DDX60: variants seen among roughly 807,000 people sequenced by gnomAD.
The protein encoded by DDX60 is DExD/H-box helicase 60, also known as probable ATP-dependent RNA helicase DDX60.
Under a neutral mutation model 212.8 loss-of-function variants are expected in DDX60, and 165 were observed. That is an observed-to-expected ratio of 0.78 (90% confidence interval 0.68 to 0.88). DDX60 has a LOEUF of 0.88. Among genes scored for constraint, DDX60 ranks in the 40% least tolerant of loss-of-function variants. The pLI, the probability that DDX60 is intolerant of heterozygous loss-of-function variation, is 0.00. For missense variants in DDX60, 1,905 were observed against 2,003.9 expected (o/e 0.95, Z 0.94); for synonymous variants, 703 against 685.3 (o/e 1.03, Z -0.40).
intron 19 of DDX60, 36 bp from the exon 20 acceptor site, chr4:168,269,005 G>C (rs1175981201): frequency 8.0e-7 from 1 of 1,242,924 alleles, no homozygotes; most frequent in Non-Finnish European, 1.1e-6. Flanking sequence ...CAACTGAAAA[G>C]TTGATTTAAA....
intron 30 of DDX60, among the ~76,000 whole-genome samples, chr4:168,244,387 A>T (rs889816835): frequency 6.6e-6 from 1 of 152,358 alleles, no homozygotes; most frequent in South Asian, 2.1e-4. Context: ...ATTGACATTT[A>T]AAAAGTACAT....
At chr4:168,324,459 C>T in the DDX60 span, among the ~76,000 whole-genome samples, 1 of 152,124 alleles carries the variant, frequency 6.6e-6, no homozygotes, top group African/African-American at 2.4e-5. Context: ...GAGATGCCTG[C>T]CCATTTCAGT....
At chr4:168,310,819 A>G (rs1737096711) in intron 3 of DDX60, among the ~76,000 whole-genome samples, 179 bp downstream of exon 3, 1 of 152,128 alleles carries the variant, frequency 6.6e-6, no homozygotes, top group African/African-American at 2.4e-5. Context: ...AATATATAAA[A>G]ATTAATTAAC....
At chr4:168,285,173 A>G (rs1434163434) in intron 11 of DDX60, among the ~76,000 whole-genome samples, 1 of 152,212 alleles carries the variant, frequency 6.6e-6, no homozygotes, top group African/African-American at 2.4e-5. Context: ...TTAATTTAAA[A>G]TATGCAGCTG....
intron 13 of DDX60, among the ~76,000 whole-genome samples, chr4:168,282,968 A>G (rs1012603317): frequency 6.6e-6 from 1 of 152,144 alleles, no homozygotes; most frequent in Non-Finnish European, 1.5e-5. Context: ...GCAGGAGTAC[A>G]AGCCACACAG....
intron 25 of DDX60, among the ~76,000 whole-genome samples, chr4:168,260,261 C>T (rs1432069926): frequency 6.6e-6 from 1 of 152,096 alleles, no homozygotes; most frequent in African/African-American, 2.4e-5. Flanking sequence ...CTATCCCTCC[C>T]CTCTCCCACC....
At chr4:168,280,228 G>T in intron 14 of DDX60, 107 bp downstream of exon 14, 2 of 1,338,938 alleles carry the variant, frequency 1.5e-6, no homozygotes, top group Non-Finnish European at 2.1e-6. Context: ...GTAAGATAGG[G>T]CATGTAAGTC....
chr4:168,322,046 G>A (rs1737619334), upstream of DDX60, among the ~76,000 whole-genome samples: 1 of 152,034 alleles, frequency 6.6e-6, no homozygotes, highest in East Asian at 1.9e-4. Flanking sequence ...AAATTTCTCA[G>A]GCCCATTAGC....
At position 168,306,712 on chromosome 4, in the gene DDX60, C is replaced by T. The variant is rs879092738; in HGVS notation, c.273G>A (p.Glu91=). 6.2e-7 allele frequency: 1 copy of T among 1,608,980 alleles called. No individual in the cohort carries two copies. Among genetic ancestry groups the T allele is most frequent in the East Asian group, 2.2e-5 (1 of 44,782 alleles). ...QFTIVFFKDA[E]YAYFNFPELL... is the part of the protein sequence containing the mutation. ...GTTCAGGGAAGTTGAAATACGCATACTCGGCATCCTGTGGAGGAGGAGGTG... is the reference window on the plus strand; with the variant it reads ...GTTCAGGGAAGTTGAAATACGCATATTCGGCATCCTGTGGAGGAGGAGGTG... Residue 91 remains glutamate, a synonymous_variant, in exon 5 of 38, where the codon GAG becomes GAA. Coordinates refer to ENST00000393743, the MANE Select transcript of DDX60 (RefSeq NM_017631.6).
intron 27 of DDX60, among the ~76,000 whole-genome samples, chr4:168,251,380 A>C (rs1734215147): frequency 6.6e-6 from 1 of 152,236 alleles, no homozygotes; most frequent in Non-Finnish European, 1.5e-5. Context: ...AGTGGTGGTG[A>C]GTGCATGACT....
chr4:168,293,919 T>A lies in DDX60; in HGVS notation c.750A>T (p.Thr250=), dbSNP rs1173273630. Residue 250 remains threonine (T), a synonymous_variant, in exon 7 of 38, where the codon ACA becomes ACT. Transcript: ENST00000393743. The part of the protein sequence containing the change: ...EEAHKTVSLL[T]QVWPEGSDIR... Reference sequence around the variant, plus strand: ...TGTCAGATCCTTCTGGCCAGACTTGTGTAAGCAGAGATACAGTCTTGTGTG... The same window carrying A: ...TGTCAGATCCTTCTGGCCAGACTTGAGTAAGCAGAGATACAGTCTTGTGTG... 9 of 1,613,338 alleles carry A rather than the reference T, an allele frequency of 5.6e-6. No individual in the cohort carries two copies. In the East Asian group the frequency reaches 2.0e-4, roughly 36 times the overall value.
Position 168,275,370 on chromosome 4 carries a change from T to C in DDX60, c.2279A>G (p.Gln760Arg), listed in dbSNP as rs758761933. Residue 760 changes from glutamine to arginine, a missense_variant, in exon 16 of 38, where the codon CAG becomes CGG. Gln to Arg is a conservative substitution (Grantham distance 43, BLOSUM62 1). Coordinates refer to ENST00000393743, the MANE Select transcript of DDX60 (RefSeq NM_017631.6). Reference sequence around the variant, plus strand: ...CTGCCATGTGTCGGGAATAAAATCCTGGACCCTGGGATCTGGGTCTTTTCT... The same window carrying C: ...CTGCCATGTGTCGGGAATAAAATCCCGGACCCTGGGATCTGGGTCTTTTCT... ...DERKDPDPRVQDFIPDTWQRE... is the reference protein window; with the variant it reads ...DERKDPDPRVRDFIPDTWQRE... 1.9e-6 allele frequency: 3 copies of C among 1,611,592 alleles called. No homozygotes were observed. The highest frequency in any genetic ancestry group is 3.3e-5 in the Admixed American group (2 of 59,708).
At chr4:168,310,971 C>A (rs756569868) in intron 3 of DDX60, 27 bp downstream of exon 3, 1 of 1,342,598 alleles carries the variant, frequency 7.4e-7, no homozygotes, top group Non-Finnish European at 1.1e-6. Flanking sequence ...TATGATTTCC[C>A]GTCTTTATTA....
intron 22 of DDX60, 104 bp downstream of exon 22, chr4:168,267,478 T>C: frequency 2.1e-6 from 1 of 478,816 alleles, no homozygotes; most frequent in Non-Finnish European, 3.5e-6. Flanking sequence ...AATTCTGTAA[T>C]TCTATTCTAT....
intron 6 of DDX60, among the ~76,000 whole-genome samples, chr4:168,297,682 G>A (rs1368492654): frequency 6.6e-6 from 1 of 152,146 alleles, no homozygotes; most frequent in Non-Finnish European, 1.5e-5. Flanking sequence ...AGCACTTTGG[G>A]AGGCTGGGGC....
At chr4:168,320,692 T>G (rs1023691214), upstream of DDX60, among the ~76,000 whole-genome samples, 5 of 152,204 alleles carry the variant, frequency 3.3e-5, no homozygotes, top group Non-Finnish European at 7.3e-5. Flanking sequence ...AAATAATGGA[T>G]TGTGTTATAA....
At chr4:168,292,049 CTTTTTTTT>C (rs772095573) in intron 7 of DDX60, 143 bp from the exon 8 acceptor site, 1 of 302,362 alleles carries the variant, frequency 3.3e-6, no homozygotes, top group East Asian at 5.4e-5. Context: ...TTCTTTCTTT[CTTTTTTTT>C]TTTTTTTTTG....
chr4:168,302,716 A>G (rs1736698628), intron 5 of DDX60, among the ~76,000 whole-genome samples: 1 of 152,150 alleles, frequency 6.6e-6, no homozygotes, highest in South Asian at 2.1e-4. Context: ...TAAATTTATC[A>G]ACTTTGGAAC....
At chr4:168,289,639 T>G (rs996031175) in intron 8 of DDX60, among the ~76,000 whole-genome samples, 2 of 152,152 alleles carry the variant, frequency 1.3e-5, no homozygotes, top group African/African-American at 4.8e-5. Context: ...ATGTGGACAT[T>G]GCATTGGCAC....
Sources: gnomAD v4.1 joint callset for allele counts (sites outside exome capture counted in the v4.1 genomes callset) on GRCh38, gnomAD v4.1.1 for gene constraint, MANE v1.5 for transcripts, NCBI Gene and HGNC (gene_info 2026-07-23, HGNC 2026-07-21) for gene names.